PTPRD: variants seen among roughly 807,000 people sequenced by gnomAD.
The protein encoded by PTPRD is receptor-type tyrosine-protein phosphatase delta.
PTPRD carries 34 observed loss-of-function variants against 214.5 expected under a neutral mutation model. That is an observed-to-expected ratio of 0.16 (90% confidence interval 0.12 to 0.21). The LOEUF (loss-of-function observed/expected upper bound fraction) is 0.21. PTPRD is among the 10% of genes least tolerant of loss of function. The pLI, the probability that PTPRD is intolerant of heterozygous loss-of-function variation, is 1.00. For synonymous variants in PTPRD, 1,128 were observed against 845.7 expected (o/e 1.33, Z -5.79); for missense variants, 2,545 against 2,398.7 (o/e 1.06, Z -1.27).
intron 10 of PTPRD, among the ~76,000 whole-genome samples, chr9:9,113,911 A>C (rs1387281928): frequency 1.3e-5 from 2 of 152,188 alleles, no homozygotes; most frequent in South Asian, 4.1e-4. Flanking sequence ...AGTATTCACC[A>C]AAAAATGCTC....
chr9:9,678,178 A>G (rs929988707), intron 7 of PTPRD, among the ~76,000 whole-genome samples: 1 of 152,158 alleles, frequency 6.6e-6, no homozygotes, highest in South Asian at 2.1e-4. Context: ...CATCCCCATC[A>G]AGCTACCAAT....
intron 5 of PTPRD, among the ~76,000 whole-genome samples, chr9:9,767,193 C>G (rs1680801392): frequency 6.6e-6 from 1 of 151,630 alleles, no homozygotes; most frequent in Non-Finnish European, 1.5e-5. Flanking sequence ...CATCGCTTTT[C>G]AAAAATGCTA....
At chr9:9,001,977 G>A (rs905849240) in intron 11 of PTPRD, among the ~76,000 whole-genome samples, 2 of 143,850 alleles carry the variant, frequency 1.4e-5, no homozygotes, top group Non-Finnish European at 1.5e-5. Context: ...AGCTCCCTGT[G>A]TGTGTGTGTG....
chr9:9,904,725 C>T (rs1042867324), intron 5 of PTPRD, among the ~76,000 whole-genome samples: 1 of 151,950 alleles, frequency 6.6e-6, no homozygotes, highest in Non-Finnish European at 1.5e-5. Context: ...GAGAATAAAG[C>T]TTAAACATCT....
intron 5 of PTPRD, among the ~76,000 whole-genome samples, chr9:9,853,807 C>A (rs1284064469): frequency 6.6e-6 from 1 of 152,194 alleles, no homozygotes; most frequent in Non-Finnish European, 1.5e-5. Flanking sequence ...CCGCCCGCCT[C>A]AGCCTCCCAA....
intron 5 of PTPRD, among the ~76,000 whole-genome samples, chr9:9,788,444 G>T (rs571102246): frequency 6.6e-6 from 1 of 151,176 alleles, no homozygotes; most frequent in Non-Finnish European, 1.5e-5. Flanking sequence ...CCCAGCTGCT[G>T]GGGAGGCTGA....
intron 3 of PTPRD, among the ~76,000 whole-genome samples, chr9:10,108,618 T>G (rs2098659320): frequency 6.6e-6 from 1 of 151,966 alleles, no homozygotes; most frequent in South Asian, 2.1e-4. Flanking sequence ...TGCTGGGTAT[T>G]TATCCAAAAA....
intron 9 of PTPRD, among the ~76,000 whole-genome samples, chr9:9,258,181 C>A (rs1306170620): frequency 6.6e-6 from 1 of 151,792 alleles, no homozygotes; most frequent in Non-Finnish European, 1.5e-5. Flanking sequence ...TGGCTGACAG[C>A]TGCAAAAATA....
At chr9:10,563,656 G>T (rs1165801625) in intron 2 of PTPRD, among the ~76,000 whole-genome samples, 6 of 144,788 alleles carry the variant, frequency 4.1e-5, no homozygotes. Context: ...TTGTTGTTTT[G>T]TTGTTATCAT....
chr9:9,609,065 T>A (rs1003010569), intron 7 of PTPRD, among the ~76,000 whole-genome samples: 5 of 152,186 alleles, frequency 3.3e-5, no homozygotes, highest in African/African-American at 1.2e-4. Flanking sequence ...GAAATATAGA[T>A]CTGTGAGTCT....
At chr9:10,584,435 C>A (rs933240897) in intron 2 of PTPRD, among the ~76,000 whole-genome samples, 9 of 152,144 alleles carry the variant, frequency 5.9e-5, no homozygotes, top group Non-Finnish European at 1.3e-4. Context: ...AGATTTTCCT[C>A]AATAAAACAC....
chr9:9,720,317 CAGA>C (rs770963792), intron 7 of PTPRD, among the ~76,000 whole-genome samples: 3 of 152,162 alleles, frequency 2.0e-5, no homozygotes, highest in South Asian at 4.1e-4. Flanking sequence ...TCAACAGTCA[CAGA>C]AGAAGTCAGT....
chr9:9,856,469 G>T (rs920600202), intron 5 of PTPRD, among the ~76,000 whole-genome samples: 2 of 152,080 alleles, frequency 1.3e-5, no homozygotes, highest in African/African-American at 4.8e-5. Flanking sequence ...AAAAAGAAAT[G>T]CATCCAGTGT....
At chr9:8,838,607 G>A (rs1031339215) in intron 11 of PTPRD, among the ~76,000 whole-genome samples, 18 of 151,758 alleles carry the variant, frequency 1.2e-4, no homozygotes, top group Admixed American at 9.2e-4. Flanking sequence ...AGGTTATTTA[G>A]TTTGACAGAT....
intron 8 of PTPRD, among the ~76,000 whole-genome samples, chr9:9,447,057 CTGG>C (rs2144907429): frequency 6.6e-6 from 1 of 152,244 alleles, no homozygotes; most frequent in South Asian, 2.1e-4. Context: ...ACGCTATACA[CTGG>C]TGGTGGAAGT....
intron 9 of PTPRD, among the ~76,000 whole-genome samples, chr9:9,188,230 G>C (rs1274188452): frequency 6.6e-6 from 1 of 151,962 alleles, no homozygotes; most frequent in Non-Finnish European, 1.5e-5. Flanking sequence ...GTTGTAATTT[G>C]TCAAATATCT....
intron 2 of PTPRD, among the ~76,000 whole-genome samples, chr9:10,577,949 TCACCCAGG>T (rs2070086646): frequency 6.7e-6 from 1 of 150,306 alleles, no homozygotes; most frequent in Non-Finnish European, 1.5e-5. Flanking sequence ...AGTCTCACTG[TCACCCAGG>T]CTGGAGTGCA....
intron 10 of PTPRD, among the ~76,000 whole-genome samples, chr9:9,078,789 T>C (rs2099754799): frequency 6.6e-6 from 1 of 152,088 alleles, no homozygotes; most frequent in Non-Finnish European, 1.5e-5. Flanking sequence ...CCCTTCAGAA[T>C]TGTGCCAAAA....
At chr9:9,003,874 A>G (rs772909238) in intron 11 of PTPRD, among the ~76,000 whole-genome samples, 6 of 152,102 alleles carry the variant, frequency 3.9e-5, no homozygotes, top group Admixed American at 2.0e-4. Flanking sequence ...ACACATAGGA[A>G]CATGACAATG....
Sources: allele counts gnomAD v4.1 joint callset (sites outside exome capture counted in the v4.1 genomes callset), GRCh38; gene constraint gnomAD v4.1.1; transcripts MANE v1.5; gene names NCBI Gene and HGNC (gene_info 2026-07-23, HGNC 2026-07-21).